Variants in CLVS1 observed in about 807,000 individuals in gnomAD.
CLVS1 encodes clavesin-1.
A neutral mutation model predicts 33.1 loss-of-function variants in CLVS1; 10 were observed. The observed-to-expected ratio is 0.30, with a 90% CI of 0.19 to 0.51. The LOEUF (loss-of-function observed/expected upper bound fraction) is 0.51, where lower values mean the gene tolerates loss of function less well. CLVS1 is among the 20% of genes least tolerant of loss of function. The pLI, the probability that CLVS1 is intolerant of heterozygous loss-of-function variation, is 0.97. For synonymous variants in CLVS1, 163 were observed against 166.1 expected, an observed-to-expected ratio of 0.98 and a Z score of 0.14; for missense variants, 343 against 433.4, an observed-to-expected ratio of 0.79 and a Z score of 1.85.
intron 3 of CLVS1, among the ~76,000 whole-genome samples, chr8:61,407,716 A>G (rs190031945): frequency 6.6e-6 from 1 of 152,240 alleles, no homozygotes; most frequent in South Asian, 2.1e-4. Flanking sequence ...TATAATGCAT[A>G]TTGAAGCTTT....
At chr8:61,138,577 G>T (rs1335739717) in intron 2 of CLVS1, among the ~76,000 whole-genome samples, 3 of 151,754 alleles carry the variant, frequency 2.0e-5, no homozygotes, top group Non-Finnish European at 2.9e-5. Context: ...CTTGGGAAGG[G>T]GAGACGGGGG....
At chr8:61,222,963 G>A (rs1585702028) in intron 2 of CLVS1, among the ~76,000 whole-genome samples, 1 of 142,522 alleles carries the variant, frequency 7.0e-6, no homozygotes, top group Non-Finnish European at 1.5e-5. Flanking sequence ...TTGGTTTAAA[G>A]TCTGTTTTGT....
At chr8:61,331,304 T>C (rs572450634) in intron 2 of CLVS1, among the ~76,000 whole-genome samples, 1 of 152,264 alleles carries the variant, frequency 6.6e-6, no homozygotes, top group Non-Finnish European at 1.5e-5. Flanking sequence ...TTCCTGGTGT[T>C]CTGTAATTCA....
intron 2 of CLVS1, among the ~76,000 whole-genome samples, chr8:61,348,852 G>A (rs1812336195): frequency 6.6e-6 from 1 of 152,116 alleles, no homozygotes; most frequent in Non-Finnish European, 1.5e-5. Flanking sequence ...GTATACAAGT[G>A]TTCCCTTTTC....
At chr8:61,478,373 G>T (rs960101881) in intron 5 of CLVS1, among the ~76,000 whole-genome samples, 10 of 152,138 alleles carry the variant, frequency 6.6e-5, no homozygotes, top group Non-Finnish European at 1.2e-4. Flanking sequence ...GGATATCCTT[G>T]TTAACTTTCT....
At chr8:60,989,396 T>C in the CLVS1 span, among the ~76,000 whole-genome samples, 1 of 152,104 alleles carries the variant, frequency 6.6e-6, no homozygotes, top group Non-Finnish European at 1.5e-5. Context: ...GTCAGGCTGG[T>C]CTTGAATTCC....
At chr8:60,998,428 C>G in the CLVS1 span, among the ~76,000 whole-genome samples, 2 of 152,018 alleles carry the variant, frequency 1.3e-5, no homozygotes, top group African/African-American at 2.4e-5. Flanking sequence ...AGTGTTTGCC[C>G]TGGTGGTGAG....
chr8:61,056,152 A>G (rs193201445), upstream of CLVS1, among the ~76,000 whole-genome samples: 1 of 152,318 alleles, frequency 6.6e-6, no homozygotes, highest in East Asian at 1.9e-4. Context: ...CCATGTGCCC[A>G]GGGTCTGGGT....
At chr8:61,311,294 C>A (rs1298417244) in intron 2 of CLVS1, among the ~76,000 whole-genome samples, 2 of 152,174 alleles carry the variant, frequency 1.3e-5, no homozygotes, top group African/African-American at 4.8e-5. Context: ...CCAAATAGTT[C>A]TTTGAATATT....
At position 61,119,013 on chromosome 8, in the gene CLVS1, C is replaced by T. The variant is rs182943975; in HGVS notation, c.-242-12757C>T. On this transcript the variant is annotated intron_variant, in intron 1 of 2. Coordinates refer to the CLVS1 transcript ENST00000522621. The stretch of plus-strand genomic sequence containing the variant: ...TATTAATGTGTGGGAGTCTAAGTCT[C>T]TTTGCAGATCACTCAGGACTTGCTT... Among the ~76,000 whole-genome samples the T allele has an allele frequency of 1.7e-3, 258 of 152,274 alleles. 2 individuals are homozygous for T. Among genetic ancestry groups the T allele is most frequent in the African/African-American group, 5.9e-3 (247 of 41,546 alleles).
Position 61,499,812 on chromosome 8 carries a change from T to C in CLVS1, c.*270T>C. 3.9e-6 allele frequency: 1 copy of C among 258,342 alleles called. No individual in the cohort carries two copies. The highest frequency in any genetic ancestry group is 6.5e-5 in the East Asian group (1 of 15,312). The allele number at this position is 258,342 out of a possible 1,614,324, so 16.0% of individuals were successfully genotyped here. A position where few individuals can be genotyped will look rare whatever the true frequency, so the allele number is the denominator to read the frequency against. ...AAAAAAGATTCTCCCTCCTTTCATA[T>C]TTATTGTAGTAAATTGAAAAAATAA... On this transcript the variant is annotated 3_prime_UTR_variant, in exon 6 of 6. Coordinates refer to ENST00000325897, the MANE Select transcript of CLVS1 (RefSeq NM_173519.3).
At chr8:61,191,211 CTGGT>C (rs1249331355) in intron 2 of CLVS1, among the ~76,000 whole-genome samples, 1 of 152,178 alleles carries the variant, frequency 6.6e-6, no homozygotes, top group Non-Finnish European at 1.5e-5. Context: ...GGATGCAAGG[CTGGT>C]TCAACATATG....
At chr8:61,011,009 G>GT in the CLVS1 span, among the ~76,000 whole-genome samples, 5 of 152,342 alleles carry the variant, frequency 3.3e-5, no homozygotes, top group South Asian at 1.0e-3. Context: ...CCCCGTATCT[G>GT]TTACATGCTT....
At chr8:61,103,911 T>G (rs1338442429) in intron 1 of CLVS1, among the ~76,000 whole-genome samples, 1 of 152,248 alleles carries the variant, frequency 6.6e-6, no homozygotes, top group Non-Finnish European at 1.5e-5. Flanking sequence ...TAGATTCTAA[T>G]GTATCATCCC....
At chr8:61,064,544 T>TTTTTTTTTTTTTTTTTTTTTG in intron 1 of CLVS1, among the ~76,000 whole-genome samples, 1 of 151,194 alleles carries the variant, frequency 6.6e-6, no homozygotes, top group Non-Finnish European at 1.5e-5. Flanking sequence ...CCCATTTTTT[T>TTTTTTTTTTTTTTTTTTTTTG]TTTTTTTTTT....
chr8:61,161,222 G>A (rs1006144089), intron 2 of CLVS1, among the ~76,000 whole-genome samples: 1 of 152,070 alleles, frequency 6.6e-6, no homozygotes, highest in Non-Finnish European at 1.5e-5. Context: ...GTACACAGTT[G>A]GTATGTAAAT....
intron 2 of CLVS1, among the ~76,000 whole-genome samples, chr8:61,249,238 A>G (rs1421034080): frequency 6.6e-6 from 1 of 152,176 alleles, no homozygotes; most frequent in East Asian, 1.9e-4. Flanking sequence ...TGTCCCTGCA[A>G]AGGACATGAA....
At chr8:61,215,876 C>A (rs1430509272) in intron 2 of CLVS1, among the ~76,000 whole-genome samples, 3 of 152,086 alleles carry the variant, frequency 2.0e-5, no homozygotes, top group African/African-American at 4.8e-5. Context: ...TAAATGGATT[C>A]CCATCTCCTA....
chr8:61,057,636 A>G (rs1456978123), intron 1 of CLVS1, among the ~76,000 whole-genome samples: 1 of 152,202 alleles, frequency 6.6e-6, no homozygotes, highest in Non-Finnish European at 1.5e-5. Flanking sequence ...CAGAAGAAAA[A>G]AAAAAACCTT....
Sources: gnomAD v4.1 joint callset for allele counts (sites outside exome capture counted in the v4.1 genomes callset) on GRCh38, gnomAD v4.1.1 for gene constraint, MANE v1.5 for transcripts, NCBI Gene and HGNC (gene_info 2026-07-23, HGNC 2026-07-21) for gene names.